The following MAPRE2 variants were observed in gnomAD, a reference collection of about 807,000 sequenced individuals.
MAPRE2 encodes the protein microtubule-associated protein RP/EB family member 2.
In MAPRE2, 13 loss-of-function variants were observed where a neutral mutation model predicts 43.2. The observed-to-expected ratio is 0.30, with a 90% confidence interval of 0.20 to 0.48. The LOEUF is 0.48. Among genes scored for constraint, MAPRE2 ranks in the 20% least tolerant of loss-of-function variants. MAPRE2 has a pLI of 0.99. For synonymous variants in MAPRE2, 135 were observed against 148.8 expected (o/e 0.91, Z 0.68); for missense variants, 161 against 400.2 (o/e 0.40, Z 5.10).
intron 1 of MAPRE2, among the ~76,000 whole-genome samples, chr18:34,986,302 A>G (rs1283284526): frequency 6.6e-6 from 1 of 152,172 alleles, no homozygotes; most frequent in Non-Finnish European, 1.5e-5. Context: ...TTCAAAGATC[A>G]TCTTAAATCT....
chr18:35,115,561 C>G (rs1909372742), intron 4 of MAPRE2, among the ~76,000 whole-genome samples: 1 of 152,112 alleles, frequency 6.6e-6, no homozygotes, highest in South Asian at 2.1e-4. Context: ...TCTGTCATAT[C>G]ACTCTTATGC....
intron 1 of MAPRE2, among the ~76,000 whole-genome samples, chr18:34,980,718 A>C (rs1266258743): frequency 6.6e-6 from 1 of 152,202 alleles, no homozygotes; most frequent in African/African-American, 2.4e-5. Flanking sequence ...CATAACTAAT[A>C]ATTGTTATCA....
rs946551766 is a variant in MAPRE2, at chr18:35,041,462, C to A, written c.-78C>A. On this transcript the variant is annotated 5_prime_UTR_variant, in exon 1 of 7. Coordinates refer to ENST00000300249, the MANE Select transcript of MAPRE2 (RefSeq NM_014268.4). ...GCAGGCACGGTCCGTGCGGAGCAGG[C>A]GAGCGAGCGGGAAGACGCAGCCACC... 2.4e-5 allele frequency: 39 copies of A among 1,608,884 alleles called. No individual in the cohort carries two copies. The highest frequency in any genetic ancestry group is 1.9e-4 in the African/African-American group (14 of 74,840).
intron 1 of MAPRE2, among the ~76,000 whole-genome samples, chr18:34,993,314 G>C (rs1216862199): frequency 6.7e-6 from 1 of 149,734 alleles, no homozygotes; most frequent in Non-Finnish European, 1.5e-5. Flanking sequence ...TGTTGCCCAG[G>C]GTGGTCTAGA....
intron 4 of MAPRE2, among the ~76,000 whole-genome samples, chr18:35,119,138 C>T (rs56865152): frequency 0.031 from 4,793 of 152,236 alleles, 200 homozygotes; most frequent in African/African-American, 0.088. Context: ...CAGACTGCTG[C>T]AGGACTCCCA....
intron 5 of MAPRE2, among the ~76,000 whole-genome samples, chr18:35,130,151 G>A (rs1362429655): frequency 1.5e-5 from 2 of 135,806 alleles, no homozygotes; most frequent in African/African-American, 6.9e-5. Flanking sequence ...ACAGGGGGCT[G>A]GGGGGGGGTG....
chr18:35,104,481 G>A (rs1482997785), intron 4 of MAPRE2, among the ~76,000 whole-genome samples: 3 of 152,202 alleles, frequency 2.0e-5, no homozygotes, highest in African/African-American at 4.8e-5. Context: ...GGCAATGTAA[G>A]CAGGTTTGTA....
In MAPRE2 at chr18:35,096,821, CT is replaced by C. The variant is rs1461691779; in HGVS notation, c.251-623del. ...AATACTTAATACTTAATAAGTAATA[CT>C]TAATAAGTAATACTTAGTAATACTT... On this transcript the variant is annotated intron_variant, in intron 2 of 6. Coordinates refer to ENST00000300249, the MANE Select transcript of MAPRE2 (RefSeq NM_014268.4). Among the ~76,000 whole-genome samples, 6 of 149,504 alleles carry C rather than the reference CT, an allele frequency of 4.0e-5. No homozygotes were observed. The East Asian group carries it at 1.2e-3, about 29-fold the overall frequency.
At chr18:35,051,562 G>A (rs983343053) in intron 1 of MAPRE2, among the ~76,000 whole-genome samples, 2 of 152,168 alleles carry the variant, frequency 1.3e-5, no homozygotes, top group Non-Finnish European at 2.9e-5. Context: ...GGTCTGTACC[G>A]AAAAGGGAAC....
At chr18:35,121,864 G>A (rs1047231086) in intron 4 of MAPRE2, among the ~76,000 whole-genome samples, 7 of 152,248 alleles carry the variant, frequency 4.6e-5, no homozygotes, top group South Asian at 2.1e-4. Context: ...AGCAGTTTAC[G>A]AGATTGGAAT....
At chr18:34,993,255 CTTTTT>C (rs760356794) in intron 1 of MAPRE2, among the ~76,000 whole-genome samples, 2 of 130,072 alleles carry the variant, frequency 1.5e-5, no homozygotes, top group Non-Finnish European at 3.3e-5. Flanking sequence ...CCATTCCCGC[CTTTTT>C]TTTTTTTTTT....
intron 2 of MAPRE2, among the ~76,000 whole-genome samples, chr18:35,008,327 G>A (rs1313101191): frequency 1.3e-5 from 2 of 152,118 alleles, no homozygotes; most frequent in Middle Eastern, 3.4e-3. Context: ...AGTTCATGTC[G>A]ACTATACCAA....
chr18:34,990,474 A>G (rs2150574303), intron 1 of MAPRE2, among the ~76,000 whole-genome samples: 1 of 152,218 alleles, frequency 6.6e-6, no homozygotes, highest in Non-Finnish European at 1.5e-5. Flanking sequence ...TAACTCTGAC[A>G]GGTGTTGGGA....
At chr18:35,023,603 T>C (rs1014581849) in intron 2 of MAPRE2, among the ~76,000 whole-genome samples, 16 of 151,614 alleles carry the variant, frequency 1.1e-4, no homozygotes, top group African/African-American at 3.9e-4. Context: ...GAGAGATTCT[T>C]GGAAGTTATT....
At chr18:35,077,248 C>T (rs1448339020) in intron 2 of MAPRE2, among the ~76,000 whole-genome samples, 8 of 86,986 alleles carry the variant, frequency 9.2e-5, no homozygotes, top group African/African-American at 2.3e-4. Context: ...CGTGCGCGCG[C>T]GCACACACAC....
intron 1 of MAPRE2, among the ~76,000 whole-genome samples, chr18:35,062,806 G>A (rs986822561): frequency 6.6e-6 from 1 of 152,136 alleles, no homozygotes; most frequent in East Asian, 1.9e-4. Context: ...ATATGCTCAA[G>A]CCCAAAGAAA....
At chr18:35,021,017 C>A (rs914857332) in intron 2 of MAPRE2, among the ~76,000 whole-genome samples, 3 of 152,066 alleles carry the variant, frequency 2.0e-5, no homozygotes, top group African/African-American at 7.2e-5. Flanking sequence ...GGTCTTTGAG[C>A]CGAGCCTGCC....
chr18:35,039,584 A>G (rs1014885956), upstream of MAPRE2, among the ~76,000 whole-genome samples: 1 of 152,254 alleles, frequency 6.6e-6, no homozygotes, highest in Non-Finnish European at 1.5e-5. Flanking sequence ...AGTATAAAAT[A>G]GGAAGGAAAA....
chr18:35,053,897 A>G (rs549991637), intron 1 of MAPRE2, among the ~76,000 whole-genome samples: 2 of 152,328 alleles, frequency 1.3e-5, no homozygotes, highest in Admixed American at 1.3e-4. Context: ...ACATGAGTTT[A>G]CCTATATAAC....
Sources: allele counts gnomAD v4.1 joint callset (sites outside exome capture counted in the v4.1 genomes callset), GRCh38; gene constraint gnomAD v4.1.1; transcripts MANE v1.5; gene names NCBI Gene and HGNC (gene_info 2026-07-23, HGNC 2026-07-21).